SPI1: variants seen among roughly 807,000 people sequenced by gnomAD.
SPI1 encodes the protein transcription factor PU.1.
In SPI1, 3 loss-of-function variants were observed where a neutral mutation model predicts 30.7. The observed-to-expected ratio is 0.10, with a 90% CI of 0.04 to 0.25. The LOEUF (loss-of-function observed/expected upper bound fraction) is 0.25. Ranked by LOEUF, SPI1 falls within the 10% of genes least tolerant of loss-of-function variation. The pLI is 1.00. For synonymous variants in SPI1, 169 were observed against 157.1 expected, an observed-to-expected ratio of 1.08 and a Z score of -0.56; for missense variants, 261 against 371.5, an observed-to-expected ratio of 0.70 and a Z score of 2.45.
At chr11:47,367,396 A>G (rs1054883554) in intron 2 of SPI1, among the ~76,000 whole-genome samples, 4 of 151,974 alleles carry the variant, frequency 2.6e-5, no homozygotes, top group Admixed American at 2.6e-4. Context: ...TCTACTAGAA[A>G]TACAAAAAGT....
At position 47,355,192 on chromosome 11, in the gene SPI1, GGGAGGCCTGGCGGGGCCCGGC is replaced by G; in HGVS notation, c.*14_*34del. 1 of 1,309,748 alleles carries G rather than the reference GGGAGGCCTGGCGGGGCCCGGC, an allele frequency of 7.6e-7. No homozygotes were observed. The highest frequency in any genetic ancestry group is 2.1e-5 in the South Asian group (1 of 48,428). 81.1% of individuals were successfully genotyped at this position (1,309,748 alleles called of 1,614,324 possible). A position where few individuals can be genotyped will look rare whatever the true frequency, so the allele number is the denominator to read the frequency against. On this transcript the variant is annotated 3_prime_UTR_variant, in exon 5 of 5. Coordinates refer to ENST00000378538, the MANE Select transcript of SPI1 (RefSeq NM_003120.3). ...CGAGGGCTTAATGCTATGGCCAGCGGGGAGGCCTGGCGGGGCCCGGCGGGGGCTGCGGGCTCAGTGGGGCGG... is the reference window on the plus strand; with the variant it reads ...CGAGGGCTTAATGCTATGGCCAGCGGGGGGGCTGCGGGCTCAGTGGGGCGG...
Position 47,355,222 on chromosome 11 carries a change from C to T in SPI1, c.*5G>A. On this transcript the variant is annotated 3_prime_UTR_variant, in exon 5 of 5. Coordinates refer to ENST00000378538, the MANE Select transcript of SPI1 (RefSeq NM_003120.3). The stretch of plus-strand genomic sequence containing the variant: ...GCCTGGCGGGGCCCGGCGGGGGCTG[C>T]GGGCTCAGTGGGGCGGGTGGCGCCG... 4 of 1,362,744 alleles carry T rather than the reference C, an allele frequency of 2.9e-6. No homozygotes were observed. Among genetic ancestry groups the T allele is most frequent in the East Asian group, 3.0e-5 (1 of 33,196 alleles). The allele number at this position is 1,362,744 out of a possible 1,614,324, so 84.4% of individuals were successfully genotyped here. A position where few individuals can be genotyped will look rare whatever the true frequency, so the allele number is the denominator to read the frequency against.
chr11:47,373,964 CTG>C (rs1201088419), intron 2 of SPI1, among the ~76,000 whole-genome samples: 3 of 152,246 alleles, frequency 2.0e-5, no homozygotes, highest in Non-Finnish European at 4.4e-5. Context: ...GGAAGGAAAA[CTG>C]AGGCTGCAAA....
chr11:47,360,774 G>A (rs2095919559), intron 2 of SPI1, among the ~76,000 whole-genome samples: 2 of 149,888 alleles, frequency 1.3e-5, no homozygotes, highest in South Asian at 4.2e-4. Context: ...GCAGTGAGCC[G>A]AGATTGCGCC....
chr11:47,356,967 C>T lies in SPI1; in HGVS notation c.494-1421G>A, dbSNP rs184661590. Among the ~76,000 whole-genome samples, 1,343 of 137,478 alleles carry T rather than the reference C, an allele frequency of 9.8e-3. 21 individuals are homozygous for T. The highest frequency in any genetic ancestry group is 0.033 in the African/African-American group (1,284 of 39,196). 90.2% of individuals were successfully genotyped at this position (137,478 alleles called of 152,430 possible). ...GCACACACCCACTCACACATGCTCA[C>T]GTCTGCTCACACACATGCTCACCTA... On this transcript the variant is annotated intron_variant, in intron 4 of 4. Transcript: ENST00000378538.
Position 47,378,467 on chromosome 11 carries a change from C to T in SPI1, c.-114G>A. The T allele has an allele frequency of 8.8e-7, 1 of 1,135,894 alleles. No homozygotes were observed. The highest frequency in any genetic ancestry group is 1.3e-6 in the Non-Finnish European group (1 of 781,614). The allele number at this position is 1,135,894 out of a possible 1,614,324, so 70.4% of individuals were successfully genotyped here. A position where few individuals can be genotyped will look rare whatever the true frequency, so the allele number is the denominator to read the frequency against. ...ACGGTCGTGGGGCGGGTGCAGGGCT[C>T]AGGCCTGCCCCCTGAGCTACAGGAG... On this transcript the variant is annotated 5_prime_UTR_variant, in exon 1 of 5. Coordinates refer to ENST00000378538, the MANE Select transcript of SPI1 (RefSeq NM_003120.3).
Position 47,378,471 on chromosome 11 carries a change from C to G in SPI1, c.-118G>C. On this transcript the variant is annotated 5_prime_UTR_variant, in exon 1 of 5. Transcript: ENST00000378538. ...TCGTGGGGCGGGTGCAGGGCTCAGG[C>G]CTGCCCCCTGAGCTACAGGAGCCCT... The G allele has an allele frequency of 2.7e-6, 3 of 1,100,044 alleles. No homozygotes were observed. In the South Asian group the frequency reaches 4.0e-5, roughly 15 times the overall value. The allele number at this position is 1,100,044 out of a possible 1,614,324, so 68.1% of individuals were successfully genotyped here. A position where few individuals can be genotyped will look rare whatever the true frequency, so the allele number is the denominator to read the frequency against.
At chr11:47,378,171 A>G in intron 1 of SPI1, 138 bp downstream of exon 1, 3 of 929,326 alleles carry the variant, frequency 3.2e-6, no homozygotes, top group Non-Finnish European at 5.0e-6. Flanking sequence ...GTCTCAGGCC[A>G]GGAGTTCCAG....
intron 1 of SPI1, among the ~76,000 whole-genome samples, chr11:47,377,360 G>A (rs1397721347): frequency 2.6e-5 from 4 of 152,102 alleles, no homozygotes; most frequent in Non-Finnish European, 1.5e-5. Context: ...AGCCCTTCCC[G>A]GCTCCCCTCA....
At chr11:47,358,473 C>T (rs1401787958) in intron 4 of SPI1, 6 of 647,992 alleles carry the variant, frequency 9.3e-6, no homozygotes, top group Non-Finnish European at 1.7e-5. Flanking sequence ...CTCTCAGCCA[C>T]ACCAGCTCTC....
At chr11:47,369,170 T>C (rs1565642662) in intron 2 of SPI1, among the ~76,000 whole-genome samples, 1 of 152,210 alleles carries the variant, frequency 6.6e-6, no homozygotes, top group Non-Finnish European at 1.5e-5. Context: ...GAGAATCACT[T>C]GATCCCAGGA....
intron 4 of SPI1, among the ~76,000 whole-genome samples, chr11:47,356,568 C>T (rs1260071057): frequency 3.3e-5 from 5 of 151,216 alleles, no homozygotes; most frequent in African/African-American, 7.3e-5. Flanking sequence ...GTTCACACAC[C>T]TGCTCATACA....
intron 2 of SPI1, among the ~76,000 whole-genome samples, chr11:47,371,751 C>T (rs1453915353): frequency 6.6e-6 from 1 of 152,010 alleles, no homozygotes; most frequent in Non-Finnish European, 1.5e-5. Context: ...ATGGTCATGT[C>T]ATTTCCCTGC....
intron 2 of SPI1, among the ~76,000 whole-genome samples, chr11:47,362,268 T>C (rs2095921891): frequency 6.6e-6 from 1 of 152,078 alleles, no homozygotes; most frequent in Non-Finnish European, 1.5e-5. Flanking sequence ...ATAATAATAG[T>C]TTATTCTAAA....
At chr11:47,366,232 G>T (rs1341250248) in intron 2 of SPI1, among the ~76,000 whole-genome samples, 1 of 152,012 alleles carries the variant, frequency 6.6e-6, no homozygotes, top group Non-Finnish European at 1.5e-5. Context: ...TTAATCTGGG[G>T]CCAAAGTCCT....
At position 47,355,359 on chromosome 11, in the gene SPI1, C is replaced by T. The variant is rs2095906485; in HGVS notation, c.681G>A (p.Lys227=). The change falls in exon 5 of 5, where the codon AAG becomes AAA. Residue 227 remains lysine, a synonymous_variant. Coordinates refer to ENST00000378538, the MANE Select transcript of SPI1 (RefSeq NM_003120.3). ...CGTAGTTGCGCAGCGCGCGCGCCAT[C>T]TTCTGGTAGGTCATCTTCTTGCGGT... ...KGNRKKMTYQ[K]MARALRNYGK... 2.5e-6 allele frequency: 4 copies of T among 1,613,808 alleles called. No homozygotes were observed. Among genetic ancestry groups the T allele is most frequent in the African/African-American group, 1.3e-5 (1 of 75,048 alleles).
At chr11:47,357,367 G>T (rs1182833843) in intron 4 of SPI1, among the ~76,000 whole-genome samples, 1 of 127,692 alleles carries the variant, frequency 7.8e-6, no homozygotes, top group Non-Finnish European at 1.7e-5. Context: ...ACTTACACTT[G>T]CACCTCACAC....
chr11:47,366,760 G>A (rs2095928680), intron 2 of SPI1, among the ~76,000 whole-genome samples: 1 of 152,132 alleles, frequency 6.6e-6, no homozygotes, highest in Non-Finnish European at 1.5e-5. Flanking sequence ...GATGGAGGTT[G>A]CAGTGAGCAG....
chr11:47,372,914 G>A (rs971995677), intron 2 of SPI1, among the ~76,000 whole-genome samples: 1 of 152,228 alleles, frequency 6.6e-6, no homozygotes, highest in Admixed American at 6.5e-5. Context: ...CAGCTGGTAA[G>A]TGATGGAGCC....
Sources: allele counts gnomAD v4.1 joint callset (sites outside exome capture counted in the v4.1 genomes callset), GRCh38; gene constraint gnomAD v4.1.1; transcripts MANE v1.5; gene names NCBI Gene and HGNC (gene_info 2026-07-23, HGNC 2026-07-21).